The following ELP2 variants were observed in gnomAD, a reference collection of about 807,000 sequenced individuals.
ELP2 encodes the protein elongator complex protein 2.
In ELP2, 90 loss-of-function variants were observed where a neutral mutation model predicts 119.2. The observed-to-expected ratio is 0.75, with a 90% CI of 0.64 to 0.90. ELP2 has a LOEUF of 0.90. ELP2 is among the 40% of genes least tolerant of loss of function. The pLI is 0.00. For missense variants in ELP2, 921 were observed against 967.8 expected (o/e 0.95, Z 0.64); for synonymous variants, 339 against 331.0 (o/e 1.02, Z -0.26).
At chr18:36,141,011 T>C in intron 5 of ELP2, 126 bp from the exon 6 acceptor site, 1 of 786,708 alleles carries the variant, frequency 1.3e-6, no homozygotes, top group South Asian at 1.4e-5. Flanking sequence ...TTTCAATTAT[T>C]CGTGTAGTGG....
intron 13 of ELP2, 79 bp from the exon 14 acceptor site, chr18:36,158,756 G>T (rs560882841): frequency 1.5e-5 from 16 of 1,045,878 alleles, no homozygotes; most frequent in East Asian, 5.0e-5. Flanking sequence ...AGTGCCTGAA[G>T]TAACAGTAAC....
In ELP2 at chr18:36,133,329, C is replaced by A; in HGVS notation, c.217+13C>A. On this transcript the variant is annotated intron_variant, in intron 2 of 21. Coordinates refer to ENST00000358232, the MANE Select transcript of ELP2 (RefSeq NM_018255.4). ...AAACAGGATGGCTGTAAGTATTAAC[C>A]AGATTTTAAAGTTGATCTCAATTGT... 1 of 1,590,964 alleles carries A rather than the reference C, an allele frequency of 6.3e-7. No individual in the cohort carries two copies. Among genetic ancestry groups the A allele is most frequent in the Non-Finnish European group, 8.6e-7 (1 of 1,158,946 alleles).
rs781543120 is a variant in ELP2 at position 36,142,844 on chromosome 18, C to G, written c.674C>G (p.Ala225Gly). The stretch of plus-strand genomic sequence containing the variant: ...TAATTAGGTAGAGATCTTTTCCTAG[C>G]AAGCTGTTCACAAGATTGCCTGATA... ...WAAFGRDLFLASCSQDCLIRI... is the reference protein window; with the variant it reads ...WAAFGRDLFLGSCSQDCLIRI... The change falls in exon 8 of 22, where the codon GCA becomes GGA. Residue 225 changes from alanine to glycine, a missense_variant. Physicochemically the swap from Ala to Gly is moderately conservative, Grantham distance 60. Coordinates refer to ENST00000358232, the MANE Select transcript of ELP2 (RefSeq NM_018255.4). The G allele has an allele frequency of 6.2e-7, 1 of 1,602,898 alleles. No homozygotes were observed. The highest frequency in any genetic ancestry group is 8.5e-7 in the Non-Finnish European group (1 of 1,171,580).
Position 36,167,086 on chromosome 18 carries a change from A to G in ELP2, c.1955-15A>G, listed in dbSNP as rs1219976474. On this transcript the variant is annotated splice_polypyrimidine_tract_variant and intron_variant, in intron 18 of 21. Transcript: ENST00000358232. Reference sequence around the variant, plus strand: ...TTTCTCTGCTTTGTGAATAGTGTATACATATTTCTTTCAGAGCCAGTTTTT... The same window carrying G: ...TTTCTCTGCTTTGTGAATAGTGTATGCATATTTCTTTCAGAGCCAGTTTTT... 6.3e-7 allele frequency: 1 copy of G among 1,595,640 alleles called. No homozygotes were observed. The highest frequency in any genetic ancestry group is 1.2e-5 in the South Asian group (1 of 85,982).
At position 36,174,576 on chromosome 18, in the gene ELP2, C is replaced by T. The variant is rs1419543554; in HGVS notation, c.2416C>T (p.His806Tyr). 1.9e-6 allele frequency: 3 copies of T among 1,614,152 alleles called. No homozygotes were observed. The highest frequency in any genetic ancestry group is 2.5e-6 in the Non-Finnish European group (3 of 1,180,008). ...QKEAEGAEWL[H>Y]FASCGEDHTV... The stretch of plus-strand genomic sequence containing the variant: ...GGAAGCAGAAGGTGCTGAGTGGTTA[C>T]ACTTTGCAAGCTGTGGTGAAGATCA... Residue 806 changes from histidine to tyrosine, a missense_variant, in exon 22 of 22, where the codon CAC becomes TAC. Coordinates refer to ENST00000358232, the MANE Select transcript of ELP2 (RefSeq NM_018255.4).
chr18:36,152,181 A>ACAG (rs1567999854), intron 11 of ELP2, among the ~76,000 whole-genome samples: 1 of 134,320 alleles, frequency 7.4e-6, no homozygotes, highest in East Asian at 2.2e-4. Context: ...TGGGTGACAG[A>ACAG]GTGAGACCCT....
Position 36,168,799 on chromosome 18 carries a change from C to T in ELP2, c.2077-1264C>T, listed in dbSNP as rs578111484. Among the ~76,000 whole-genome samples, 10 of 152,174 alleles carry T rather than the reference C, an allele frequency of 6.6e-5. No individual in the cohort carries two copies. The South Asian group carries it at 1.0e-3, about 16-fold the overall frequency. On this transcript the variant is annotated intron_variant, in intron 19 of 21. Coordinates refer to ENST00000358232, the MANE Select transcript of ELP2 (RefSeq NM_018255.4). ...GGGATCCAGCAGACAAAGCAGCATT[C>T]GCTGGACATTCTCTGAAATGTACTT...
intron 16 of ELP2, among the ~76,000 whole-genome samples, chr18:36,160,243 T>G (rs1340672612): frequency 6.6e-6 from 1 of 152,170 alleles, no homozygotes; most frequent in African/African-American, 2.4e-5. Flanking sequence ...ATCTTATTTT[T>G]AAAGTAGAGA....
rs141251156 is a variant in ELP2, at chr18:36,137,034, T to C, written c.288+657T>C. The C allele has an allele frequency of 1.4e-3, 206 of 152,018 alleles. 2 individuals carry two copies. The highest frequency in any genetic ancestry group is 4.7e-3 in the African/African-American group (196 of 41,476). 9.4% of individuals were successfully genotyped at this position (152,018 alleles called of 1,614,324 possible). ...AGACTTGTTAAAAAAAAAAAGGTTA[T>C]AAATACAAAAAGTATAAAGAAGGAA... is the stretch of plus-strand genomic sequence containing the variant. On this transcript the variant is annotated intron_variant, in intron 3 of 21. Transcript: ENST00000358232.
In ELP2 at chr18:36,146,348, G is replaced by A. The variant is rs367642754; in HGVS notation, c.1092G>A (p.Ala364=). 2.7e-5 allele frequency: 44 copies of A among 1,613,950 alleles called. No homozygotes were observed. Among genetic ancestry groups the A allele is most frequent in the Non-Finnish European group, 3.6e-5 (42 of 1,179,960 alleles). The change falls in exon 11 of 22, where the codon GCG becomes GCA. Residue 364 remains alanine (A), a synonymous_variant. Coordinates refer to ENST00000358232, the MANE Select transcript of ELP2 (RefSeq NM_018255.4). ...SMIIAHAFHG[A]LHLWKQNTVN... ...TCATTGCTCATGCTTTCCACGGAGC[G>A]TTGCACCTTTGGAAACAGAATACAG...
At position 36,146,299 on chromosome 18, in the gene ELP2, A is replaced by G. The variant is rs778579252; in HGVS notation, c.1043A>G (p.Gln348Arg). The G allele has an allele frequency of 1.9e-6, 3 of 1,614,148 alleles. No homozygotes were observed. The highest frequency in any genetic ancestry group is 2.5e-6 in the Non-Finnish European group (3 of 1,179,958). ...AATACTTTGGGATTTTATGATTGCC[A>G]GTTCAATGAAGATGGCTCCATGATC... ...GGNTLGFYDC[Q>R]FNEDGSMIIA... The change falls in exon 11 of 22, where the codon CAG (glutamine) becomes CGG (arginine). Residue 348 changes from glutamine to arginine, a missense_variant. Coordinates refer to ENST00000358232, the MANE Select transcript of ELP2 (RefSeq NM_018255.4).
In ELP2 at chr18:36,142,857, A is replaced by G. The variant is rs2090076939; in HGVS notation, c.687A>G (p.Gln229=). ...ATCTTTTCCTAGCAAGCTGTTCACA[A>G]GATTGCCTGATAAGAATATGGAAGC... ...GRDLFLASCS[Q]DCLIRIWKLY... The change falls in exon 8 of 22, where the codon CAA becomes CAG. Residue 229 remains glutamine, a synonymous_variant. Coordinates refer to ENST00000358232, the MANE Select transcript of ELP2 (RefSeq NM_018255.4). 1 of 1,606,718 alleles carries G rather than the reference A, an allele frequency of 6.2e-7. No individual in the cohort carries two copies. The highest frequency in any genetic ancestry group is 8.5e-7 in the Non-Finnish European group (1 of 1,174,260).
chr18:36,138,967 G>A, intron 5 of ELP2, 95 bp downstream of exon 5: 1 of 907,012 alleles, frequency 1.1e-6, no homozygotes, highest in Non-Finnish European at 1.8e-6. Context: ...TCTTAATTTT[G>A]TATCTGAATG....
intron 13 of ELP2, 169 bp from the exon 14 acceptor site, chr18:36,158,666 G>A (rs1459318050): frequency 3.5e-6 from 2 of 575,056 alleles, no homozygotes; most frequent in African/African-American, 1.9e-5. Flanking sequence ...TGTTGGTTCA[G>A]GAAGTGAAAG....
At chr18:36,164,963 A>G (rs2090851555) in intron 18 of ELP2, 1 of 374,774 alleles carries the variant, frequency 2.7e-6, no homozygotes, top group East Asian at 5.8e-5. Context: ...AGGTTTTGCA[A>G]ATGGTGATAG....
At chr18:36,145,290 T>G (rs1342049667) in intron 9 of ELP2, 1 of 438,610 alleles carries the variant, frequency 2.3e-6, no homozygotes. Context: ...CTTTTTATCT[T>G]AAAAGTTTCC....
intron 19 of ELP2, chr18:36,169,812 G>T (rs2091023644): frequency 1.9e-6 from 1 of 527,636 alleles, no homozygotes; most frequent in African/African-American, 1.9e-5. Context: ...ACACCTCTCT[G>T]TGGTCTCTGG....
At chr18:36,167,320 G>T in intron 19 of ELP2, 98 bp downstream of exon 19, 2 of 954,572 alleles carry the variant, frequency 2.1e-6, no homozygotes, top group Non-Finnish European at 3.0e-6. Context: ...TTCTGTTACA[G>T]CTTTTAAAAA....
intron 19 of ELP2, among the ~76,000 whole-genome samples, chr18:36,169,773 C>A (rs1362894208): frequency 1.4e-4 from 22 of 151,978 alleles, no homozygotes; most frequent in Admixed American, 1.4e-3. Context: ...TGGATCAGAA[C>A]CAATTTGTGA....
Sources: gnomAD v4.1 joint callset for allele counts (sites outside exome capture counted in the v4.1 genomes callset) on GRCh38, gnomAD v4.1.1 for gene constraint, MANE v1.5 for transcripts, NCBI Gene and HGNC (gene_info 2026-07-23, HGNC 2026-07-21) for gene names.